The following FREM2 variants were observed in gnomAD, a reference collection of about 807,000 sequenced individuals.
FREM2 encodes FRAS1-related extracellular matrix protein 2.
A neutral mutation model predicts 219.9 loss-of-function variants in FREM2; 119 were observed. That is an observed-to-expected ratio of 0.54 (90% CI 0.47 to 0.63). FREM2 has a LOEUF of 0.63. FREM2 is among the 30% of genes least tolerant of loss of function. The pLI is 0.00. For missense variants in FREM2, 4,030 were observed against 3,993.6 expected (o/e 1.01, Z -0.25); for synonymous variants, 1,562 against 1,522.8 (o/e 1.03, Z -0.60).
intron 6 of FREM2, among the ~76,000 whole-genome samples, chr13:38,828,820 A>G (rs1199709660): frequency 6.6e-6 from 1 of 152,144 alleles, no homozygotes; most frequent in Non-Finnish European, 1.5e-5. Context: ...GTTATATAGT[A>G]TTCCACAGTC....
chr13:38,697,551 T>C (rs1870162182), intron 1 of FREM2, 147 bp from the exon 2 acceptor site: 1 of 653,252 alleles, frequency 1.5e-6, no homozygotes, highest in Non-Finnish European at 2.8e-6. Flanking sequence ...CTTAGAGATC[T>C]GAGAAATAAG....
intron 16 of FREM2, among the ~76,000 whole-genome samples, chr13:38,869,571 C>A (rs1397231982): frequency 6.6e-6 from 1 of 152,060 alleles, no homozygotes; most frequent in Non-Finnish European, 1.5e-5. Flanking sequence ...ATTTTACTTG[C>A]CAAGAAAAAC....
rs538620342 is a variant in FREM2, at chr13:38,788,497, C to T, written c.6019+3689C>T. On this transcript the variant is annotated intron_variant, in intron 6 of 23. Coordinates refer to ENST00000280481, the MANE Select transcript of FREM2 (RefSeq NM_207361.6). Reference sequence around the variant, plus strand: ...ATTTATAGCACTTCAGTGAAAAATACTTTCAGAAGATCTTCTGTTACTTAA... The same window carrying T: ...ATTTATAGCACTTCAGTGAAAAATATTTTCAGAAGATCTTCTGTTACTTAA... Among the ~76,000 whole-genome samples, 17 of 152,254 alleles carry T rather than the reference C, an allele frequency of 1.1e-4. 1 individual carries two copies. In the South Asian group the frequency reaches 3.5e-3, roughly 32 times the overall value.
chr13:38,756,634 T>G (rs1323561471), intron 2 of FREM2, among the ~76,000 whole-genome samples: 1 of 151,060 alleles, frequency 6.6e-6, no homozygotes, highest in Admixed American at 6.6e-5. Flanking sequence ...TTCAAGCGAT[T>G]CTCGTGTCTC....
chr13:38,713,384 T>C (rs1341054256), intron 2 of FREM2, among the ~76,000 whole-genome samples: 2 of 152,170 alleles, frequency 1.3e-5, no homozygotes, highest in Non-Finnish European at 2.9e-5. Context: ...AAGGACTATA[T>C]GGCACAAGAA....
intron 6 of FREM2, among the ~76,000 whole-genome samples, chr13:38,789,572 A>G (rs1874475878): frequency 6.6e-6 from 1 of 151,048 alleles, no homozygotes; most frequent in South Asian, 2.1e-4. Flanking sequence ...AAAAAAGAAT[A>G]GAAATTTTTG....
chr13:38,758,709 A>G (rs1566131365), intron 2 of FREM2, among the ~76,000 whole-genome samples: 1 of 152,216 alleles, frequency 6.6e-6, no homozygotes, highest in African/African-American at 2.4e-5. Context: ...AGTTCAAGAG[A>G]AGGTAATCCT....
intron 2 of FREM2, among the ~76,000 whole-genome samples, chr13:38,750,589 G>A (rs1872705268): frequency 6.6e-6 from 1 of 152,140 alleles, no homozygotes; most frequent in African/African-American, 2.4e-5. Context: ...AGTAGACTTG[G>A]GAGTGCAGAT....
intron 5 of FREM2, 72 bp downstream of exon 5, chr13:38,783,267 C>T: frequency 4.0e-6 from 6 of 1,515,306 alleles, no homozygotes; most frequent in Non-Finnish European, 4.6e-6. Flanking sequence ...ATATTGGAGC[C>T]ATAACATTTT....
At chr13:38,743,577 C>T (rs1330494269) in intron 2 of FREM2, among the ~76,000 whole-genome samples, 1 of 152,108 alleles carries the variant, frequency 6.6e-6, no homozygotes, top group East Asian at 1.9e-4. Flanking sequence ...ATGAGGGAGG[C>T]TATTTAGCGC....
chr13:38,740,151 G>C (rs1431085187), intron 2 of FREM2, among the ~76,000 whole-genome samples: 4 of 152,062 alleles, frequency 2.6e-5, no homozygotes, highest in Admixed American at 6.6e-5. Context: ...ATCTATTTTA[G>C]GATATTCTCA....
intron 2 of FREM2, among the ~76,000 whole-genome samples, chr13:38,723,122 C>T (rs1279117628): frequency 6.6e-6 from 1 of 152,028 alleles, no homozygotes; most frequent in Non-Finnish European, 1.5e-5. Flanking sequence ...GTAATCCCAG[C>T]TGCTTGGGAG....
At chr13:38,733,314 G>T (rs1299681366) in intron 2 of FREM2, among the ~76,000 whole-genome samples, 2 of 146,106 alleles carry the variant, frequency 1.4e-5, no homozygotes, top group Non-Finnish European at 3.0e-5. Context: ...GGAGCCAGTG[G>T]TTTTTTTTTT....
chr13:38,756,404 C>T (rs949971844), intron 2 of FREM2, among the ~76,000 whole-genome samples: 1 of 152,074 alleles, frequency 6.6e-6, no homozygotes, highest in Non-Finnish European at 1.5e-5. Flanking sequence ...GATTCATTAA[C>T]ACGGCACACT....
chr13:38,730,385 C>T (rs897414239), intron 2 of FREM2, among the ~76,000 whole-genome samples: 1 of 152,146 alleles, frequency 6.6e-6, no homozygotes, highest in African/African-American at 2.4e-5. Context: ...AATTTGAGAA[C>T]GTAACATATG....
intron 17 of FREM2, among the ~76,000 whole-genome samples, chr13:38,873,421 C>T (rs1360686066): frequency 6.6e-6 from 1 of 152,144 alleles, no homozygotes; most frequent in Admixed American, 6.5e-5. Flanking sequence ...ATTGCTTAAC[C>T]TTTCTGGGAC....
Position 38,846,676 on chromosome 13 carries a change from T to C in FREM2, c.6123T>C (p.Ser2041=), listed in dbSNP as rs1380218821. The change falls in exon 7 of 24, where the codon TCT becomes TCC. Residue 2041 remains serine, a synonymous_variant. Transcript: ENST00000280481. ...WRTGTDLSKS[S]SVTVRSRKTD... ...CGGGCACTGACCTGTCCAAGTCTTC[T>C]AGTGTCACAGTGAGGTCTCGGAAAA... 2 of 1,613,770 alleles carry C rather than the reference T, an allele frequency of 1.2e-6. No homozygotes were observed. The highest frequency in any genetic ancestry group is 1.7e-6 in the Non-Finnish European group (2 of 1,179,832).
rs1311134171 is a variant in FREM2 at position 38,881,950 on chromosome 13, G to A, written c.*1163G>A. The A allele has an allele frequency of 6.6e-6, 1 of 152,122 alleles. No individual in the cohort carries two copies. The highest frequency in any genetic ancestry group is 1.5e-5 in the Non-Finnish European group (1 of 68,030). 9.4% of individuals were successfully genotyped at this position (152,122 alleles called of 1,614,324 possible). ...CTCTGCAACTATCATTCCAGAAATG[G>A]TCTTGGAGGTGGCCAGAATCATTGA... On this transcript the variant is annotated 3_prime_UTR_variant, in exon 24 of 24. Coordinates refer to ENST00000280481, the MANE Select transcript of FREM2 (RefSeq NM_207361.6).
intron 6 of FREM2, among the ~76,000 whole-genome samples, chr13:38,841,781 G>T (rs1300633790): frequency 1.3e-5 from 2 of 151,978 alleles, no homozygotes; most frequent in Non-Finnish European, 2.9e-5. Flanking sequence ...TTCATTTGCT[G>T]CAGCAAATAA....
Sources: allele counts gnomAD v4.1 joint callset (sites outside exome capture counted in the v4.1 genomes callset), GRCh38; gene constraint gnomAD v4.1.1; transcripts MANE v1.5; gene names NCBI Gene and HGNC (gene_info 2026-07-23, HGNC 2026-07-21).